ARHGAP24: variants seen among roughly 807,000 people sequenced by gnomAD.
The protein encoded by ARHGAP24 is rho GTPase-activating protein 24.
A neutral mutation model predicts 76.4 loss-of-function variants in ARHGAP24; 50 were observed. That is an observed-to-expected ratio of 0.65 (90% confidence interval 0.52 to 0.83). The LOEUF (loss-of-function observed/expected upper bound fraction) is 0.83, where lower values mean the gene tolerates loss of function less well. Among genes scored for constraint, ARHGAP24 ranks in the 40% least tolerant of loss-of-function variants. ARHGAP24 has a pLI of 0.00. For missense variants in ARHGAP24, 930 were observed against 914.2 expected, an observed-to-expected ratio of 1.02 and a Z score of -0.22; for synonymous variants, 345 against 323.3, an observed-to-expected ratio of 1.07 and a Z score of -0.72.
intron 5 of ARHGAP24, among the ~76,000 whole-genome samples, chr4:85,953,518 T>C (rs1032975040): frequency 6.6e-6 from 1 of 152,108 alleles, no homozygotes; most frequent in African/African-American, 2.4e-5. Flanking sequence ...TCAGTATCAG[T>C]ATGTGTAAGA....
intron 3 of ARHGAP24, among the ~76,000 whole-genome samples, chr4:85,726,080 A>G (rs1725155732): frequency 6.6e-6 from 1 of 152,136 alleles, no homozygotes; most frequent in South Asian, 2.1e-4. Flanking sequence ...TCCAAGTAGC[A>G]CTTCCTCTTT....
chr4:85,897,828 T>C (rs1015396600), intron 3 of ARHGAP24, among the ~76,000 whole-genome samples: 3 of 151,910 alleles, frequency 2.0e-5, no homozygotes, highest in African/African-American at 7.3e-5. Context: ...CTTAGCAGTA[T>C]CAGATAAGTG....
chr4:85,716,507 CA>C (rs1375566447), intron 2 of ARHGAP24, among the ~76,000 whole-genome samples: 1 of 152,016 alleles, frequency 6.6e-6, no homozygotes, highest in Non-Finnish European at 1.5e-5. Flanking sequence ...GAACTCTTAT[CA>C]AAAAGGTTCC....
intron 4 of ARHGAP24, among the ~76,000 whole-genome samples, chr4:85,939,019 C>T (rs1404729543): frequency 6.6e-6 from 1 of 152,140 alleles, no homozygotes; most frequent in Non-Finnish European, 1.5e-5. Flanking sequence ...TCTGATATCC[C>T]ACCGCCTCGA....
chr4:85,508,225 A>G (rs1178309464), intron 1 of ARHGAP24, among the ~76,000 whole-genome samples: 1 of 152,182 alleles, frequency 6.6e-6, no homozygotes, highest in Non-Finnish European at 1.5e-5. Context: ...GAAAACATAA[A>G]AACATTTTCT....
rs1367236297 is a variant in ARHGAP24, at chr4:85,653,457, T to A, written c.181-68428T>A. 2.0e-5 allele frequency among the ~76,000 whole-genome samples: 3 copies of A among 148,236 alleles called. No individual in the cohort carries two copies. The East Asian group carries it at 6.5e-4, about 32-fold the overall frequency. ...TATATCATTTACCAAATGTGATTATTTTAATGTAAATTATTTAATTAATTT... is the reference window on the plus strand; with the variant it reads ...TATATCATTTACCAAATGTGATTATATTAATGTAAATTATTTAATTAATTT... On this transcript the variant is annotated intron_variant, in intron 2 of 9. Coordinates refer to ENST00000395184, the MANE Select transcript of ARHGAP24 (RefSeq NM_001025616.3).
At chr4:85,560,112 C>A (rs1726534233) in intron 1 of ARHGAP24, among the ~76,000 whole-genome samples, 1 of 152,092 alleles carries the variant, frequency 6.6e-6, no homozygotes, top group Non-Finnish European at 1.5e-5. Context: ...TAATCCCAAT[C>A]AATGGTAAAG....
At chr4:85,817,009 C>T (rs1051536072) in intron 3 of ARHGAP24, among the ~76,000 whole-genome samples, 7 of 152,046 alleles carry the variant, frequency 4.6e-5, no homozygotes, top group Admixed American at 6.6e-5. Flanking sequence ...TACATTTCTT[C>T]GATTATTAGT....
At chr4:85,790,768 G>A (rs142068255) in intron 3 of ARHGAP24, among the ~76,000 whole-genome samples, 1 of 152,162 alleles carries the variant, frequency 6.6e-6, no homozygotes, top group African/African-American at 2.4e-5. Context: ...ATTTTCAAAT[G>A]CTTAGTTCTC....
Position 85,547,614 on chromosome 4 carries a change from T to C in ARHGAP24, c.-20-22908T>C, listed in dbSNP as rs111534406. On this transcript the variant is annotated intron_variant, in intron 1 of 9. Coordinates refer to ENST00000395184, the MANE Select transcript of ARHGAP24 (RefSeq NM_001025616.3). ...CCATGCCCAGCTAAATTTTGTAATTTTGTGGAGATGGGTTTTCATTATGTT... is the reference window on the plus strand; with the variant it reads ...CCATGCCCAGCTAAATTTTGTAATTCTGTGGAGATGGGTTTTCATTATGTT... Among the ~76,000 whole-genome samples the C allele has an allele frequency of 1.4e-4, 22 of 152,210 alleles. 1 individual carries two copies. The highest frequency in any genetic ancestry group is 5.3e-4 in the African/African-American group (22 of 41,524).
chr4:85,762,763 A>G (rs774412375), intron 3 of ARHGAP24, among the ~76,000 whole-genome samples: 1 of 152,172 alleles, frequency 6.6e-6, no homozygotes, highest in East Asian at 1.9e-4. Flanking sequence ...ATAATTTCCT[A>G]TTACACTTAT....
chr4:85,779,376 C>G (rs1357971317), intron 3 of ARHGAP24, among the ~76,000 whole-genome samples: 2 of 152,062 alleles, frequency 1.3e-5, no homozygotes, highest in Non-Finnish European at 2.9e-5. Context: ...AAATATAGAA[C>G]TAATATGGAG....
intron 1 of ARHGAP24, among the ~76,000 whole-genome samples, chr4:85,541,091 GTCCTCCGT>G (rs1444461675): frequency 6.9e-6 from 1 of 145,200 alleles, no homozygotes; most frequent in Non-Finnish European, 1.5e-5. Context: ...GTGAATAACA[GTCCTCCGT>G]TTTTGACCCA....
intron 4 of ARHGAP24, among the ~76,000 whole-genome samples, chr4:85,926,610 C>A (rs1361461669): frequency 1.3e-5 from 2 of 152,090 alleles, no homozygotes; most frequent in Non-Finnish European, 2.9e-5. Context: ...TTAAATAAAT[C>A]TTATAAATTT....
intron 2 of ARHGAP24, among the ~76,000 whole-genome samples, chr4:85,673,637 A>G (rs1343335014): frequency 1.3e-5 from 2 of 148,466 alleles, no homozygotes; most frequent in Non-Finnish European, 3.0e-5. Flanking sequence ...CTAATACAGA[A>G]TAACTCAAGG....
intron 3 of ARHGAP24, among the ~76,000 whole-genome samples, chr4:85,874,649 G>A (rs1373035658): frequency 6.6e-6 from 1 of 150,792 alleles, no homozygotes; most frequent in Admixed American, 6.7e-5. Flanking sequence ...ATTACAAGGT[G>A]AGGAAGTTCA....
At chr4:85,784,905 CT>C (rs1727737908) in intron 3 of ARHGAP24, among the ~76,000 whole-genome samples, 3 of 147,654 alleles carry the variant, frequency 2.0e-5, no homozygotes, top group Non-Finnish European at 4.5e-5. Flanking sequence ...GATTATATAT[CT>C]CTATCTATCT....
At chr4:85,502,412 G>C (rs1723859152) in intron 1 of ARHGAP24, among the ~76,000 whole-genome samples, 1 of 152,156 alleles carries the variant, frequency 6.6e-6, no homozygotes, top group Admixed American at 6.6e-5. Context: ...GCAGTGGTTT[G>C]TAGTTCTACT....
At chr4:85,701,651 T>C (rs1724092797) in intron 2 of ARHGAP24, among the ~76,000 whole-genome samples, 1 of 152,154 alleles carries the variant, frequency 6.6e-6, no homozygotes, top group Non-Finnish European at 1.5e-5. Context: ...TCATGTCTTA[T>C]CTGGTCAGAT....
Sources: allele counts gnomAD v4.1 joint callset (sites outside exome capture counted in the v4.1 genomes callset), GRCh38; gene constraint gnomAD v4.1.1; transcripts MANE v1.5; gene names NCBI Gene and HGNC (gene_info 2026-07-23, HGNC 2026-07-21).